Variants in ZNF385B observed in about 807,000 individuals in gnomAD.
ZNF385B encodes zinc finger protein 533.
In ZNF385B, 23 loss-of-function variants were observed where a neutral mutation model predicts 39.2. The ratio of observed to expected loss-of-function variants is 0.59; its 90% confidence interval spans 0.42 to 0.83. ZNF385B has a LOEUF of 0.83. ZNF385B is among the 40% of genes least tolerant of loss of function. The probability of loss-of-function intolerance (pLI) is 0.00; values close to 1 mark genes in which losing one functional copy is unlikely to be tolerated. For synonymous variants in ZNF385B, 205 were observed against 222.6 expected, an observed-to-expected ratio of 0.92 and a Z score of 0.70; for missense variants, 552 against 598.9, an observed-to-expected ratio of 0.92 and a Z score of 0.82.
chr2:179,450,476 A>G (rs910950057), intron 6 of ZNF385B, among the ~76,000 whole-genome samples: 142 of 152,294 alleles, frequency 9.3e-4, no homozygotes, highest in Non-Finnish European at 1.8e-3. Flanking sequence ...AGACATTTAT[A>G]CAGCCAAAAG....
chr2:179,724,181 C>T (rs1239004378), intron 3 of ZNF385B, among the ~76,000 whole-genome samples: 1 of 151,958 alleles, frequency 6.6e-6, no homozygotes, highest in Non-Finnish European at 1.5e-5. Context: ...TGGTGGCGGG[C>T]GCCTGCAATC....
intron 3 of ZNF385B, among the ~76,000 whole-genome samples, chr2:179,558,526 G>A (rs1485126400): frequency 6.6e-6 from 1 of 152,092 alleles, no homozygotes; most frequent in Non-Finnish European, 1.5e-5. Context: ...GAGAAAAAAG[G>A]TTTCTTTAGC....
chr2:179,808,689 CT>C (rs909576531), intron 1 of ZNF385B, among the ~76,000 whole-genome samples: 8 of 152,092 alleles, frequency 5.3e-5, no homozygotes, highest in Non-Finnish European at 1.2e-4. Context: ...CATCGAAGAC[CT>C]TTTTTGAGAA....
intron 6 of ZNF385B, among the ~76,000 whole-genome samples, chr2:179,463,638 A>ATGATGGTT (rs1468666189): frequency 6.6e-6 from 1 of 152,176 alleles, no homozygotes; most frequent in Non-Finnish European, 1.5e-5. Context: ...TTTGCTGAGA[A>ATGATGGTT]TGATGGTTTC....
At chr2:179,602,640 A>C (rs963379207) in intron 3 of ZNF385B, among the ~76,000 whole-genome samples, 1 of 152,204 alleles carries the variant, frequency 6.6e-6, no homozygotes, top group Non-Finnish European at 1.5e-5. Flanking sequence ...TGACTCAGAC[A>C]TTTTTGCCTT....
intron 3 of ZNF385B, among the ~76,000 whole-genome samples, chr2:179,698,080 T>C (rs1698905902): frequency 6.6e-6 from 1 of 151,942 alleles, no homozygotes; most frequent in African/African-American, 2.4e-5. Flanking sequence ...TTAGGAGATA[T>C]ACCTAATGTA....
chr2:179,453,798 C>T (rs533230553), intron 6 of ZNF385B, among the ~76,000 whole-genome samples: 1 of 152,222 alleles, frequency 6.6e-6, no homozygotes, highest in Admixed American at 6.5e-5. Context: ...AAGTGTGGAC[C>T]TTTAGTGGCA....
chr2:179,725,166 T>C (rs1487630265), intron 3 of ZNF385B, among the ~76,000 whole-genome samples: 1 of 152,048 alleles, frequency 6.6e-6, no homozygotes, highest in Non-Finnish European at 1.5e-5. Context: ...TTTCAAAACA[T>C]AGTAAGAAAA....
At chr2:179,496,665 G>A (rs1481279425) in intron 5 of ZNF385B, among the ~76,000 whole-genome samples, 2 of 152,152 alleles carry the variant, frequency 1.3e-5, no homozygotes, top group African/African-American at 4.8e-5. Context: ...AATCTTAAAG[G>A]CCAGGAAAGA....
chr2:179,846,993 A>G lies in ZNF385B; in HGVS notation c.-155+14108T>C, dbSNP rs528557787. Among the ~76,000 whole-genome samples, 453 of 152,386 alleles carry G rather than the reference A, an allele frequency of 3.0e-3. 4 individuals carry two copies. The highest frequency in any genetic ancestry group is 0.01 in the African/African-American group (435 of 41,592). ...AGGCTCTTACCAAATTCAAAGAGTT[A>G]AAGAGAATGTGAATAAATAAATGCA... On this transcript the variant is annotated intron_variant, in intron 1 of 9. Transcript: ENST00000410066.
At chr2:179,485,546 T>C (rs2054474596) in intron 5 of ZNF385B, among the ~76,000 whole-genome samples, 1 of 152,178 alleles carries the variant, frequency 6.6e-6, no homozygotes, top group Non-Finnish European at 1.5e-5. Context: ...CAGATCTTGG[T>C]GGGTGATAGG....
At chr2:179,716,073 G>A (rs1450935833) in intron 3 of ZNF385B, among the ~76,000 whole-genome samples, 1 of 152,112 alleles carries the variant, frequency 6.6e-6, no homozygotes, top group Non-Finnish European at 1.5e-5. Context: ...GCAAACACAT[G>A]ATTTTGTTAA....
intron 4 of ZNF385B, among the ~76,000 whole-genome samples, chr2:179,534,044 A>C (rs2059417455): frequency 6.6e-6 from 1 of 152,210 alleles, no homozygotes; most frequent in Non-Finnish European, 1.5e-5. Context: ...ATTCAGCGGC[A>C]GCACCTCTGT....
At position 179,587,319 on chromosome 2, in the gene ZNF385B, A is replaced by G. The variant is rs1318592992; in HGVS notation, c.299-42350T>C. 2.6e-5 allele frequency among the ~76,000 whole-genome samples: 4 copies of G among 152,246 alleles called. No homozygotes were observed. The East Asian group carries it at 7.7e-4, about 29-fold the overall frequency. On this transcript the variant is annotated intron_variant, in intron 3 of 9. Transcript: ENST00000410066. ...TTTTAATTTATTTGGCTTCTAAAACATATGAATAAAAATGAGAGAGTAATA... is the reference window on the plus strand; with the variant it reads ...TTTTAATTTATTTGGCTTCTAAAACGTATGAATAAAAATGAGAGAGTAATA...
intron 3 of ZNF385B, among the ~76,000 whole-genome samples, chr2:179,609,442 T>A (rs189480796): frequency 6.6e-6 from 1 of 152,224 alleles, no homozygotes. Context: ...TTGTGCATTG[T>A]GTATATGTAC....
intron 3 of ZNF385B, among the ~76,000 whole-genome samples, chr2:179,736,504 G>T (rs921915730): frequency 1.9e-4 from 29 of 152,248 alleles, no homozygotes; most frequent in South Asian, 2.1e-4. Context: ...TTAGCATGAG[G>T]TGTGTCAAGG....
chr2:179,664,058 A>T (rs1261249738), intron 3 of ZNF385B, among the ~76,000 whole-genome samples: 3 of 132,706 alleles, frequency 2.3e-5, no homozygotes, highest in African/African-American at 8.8e-5. Flanking sequence ...TAAGTAAAAA[A>T]TATTTTTTTT....
chr2:179,769,580 C>A lies in ZNF385B; in HGVS notation c.221G>T (p.Arg74Leu), dbSNP rs763273080. ...AQVHSNGKSHRKRVKQLSDGQ... is the reference protein window; with the variant it reads ...AQVHSNGKSHLKRVKQLSDGQ... ...ATCACTCAGCTGCTTCACTCGTTTG[C>A]GGTGGGATTTGCCGTTGGAATGCAC... The change falls in exon 3 of 10, where the codon CGC (arginine) becomes CTC (leucine). Residue 74 changes from arginine to leucine, a missense_variant. Arg to Leu is a moderately radical substitution (Grantham distance 102). Coordinates refer to ENST00000410066, the MANE Select transcript of ZNF385B (RefSeq NM_152520.6). 6.2e-7 allele frequency: 1 copy of A among 1,614,144 alleles called. No homozygotes were observed. The highest frequency in any genetic ancestry group is 8.5e-7 in the Non-Finnish European group (1 of 1,180,034).
intron 1 of ZNF385B, among the ~76,000 whole-genome samples, chr2:179,832,686 A>G (rs1708046403): frequency 6.6e-6 from 1 of 152,204 alleles, no homozygotes; most frequent in Non-Finnish European, 1.5e-5. Context: ...TGATTTAAAT[A>G]ACCAACTTAA....
Sources: allele counts gnomAD v4.1 joint callset (sites outside exome capture counted in the v4.1 genomes callset), GRCh38; gene constraint gnomAD v4.1.1; transcripts MANE v1.5; gene names NCBI Gene and HGNC (gene_info 2026-07-23, HGNC 2026-07-21).